Variants in CNOT4 observed in about 807,000 individuals in gnomAD.
CNOT4 encodes the protein CCR4-associated factor 4.
A neutral mutation model predicts 73.8 loss-of-function variants in CNOT4; 8 were observed. The observed-to-expected ratio is 0.11, with a 90% CI of 0.06 to 0.20. The LOEUF (loss-of-function observed/expected upper bound fraction) is 0.20. CNOT4 is among the 10% of genes least tolerant of loss of function. The pLI, the probability that CNOT4 is intolerant of heterozygous loss-of-function variation, is 1.00. For synonymous variants in CNOT4, 293 were observed against 321.1 expected, an observed-to-expected ratio of 0.91 and a Z score of 0.94; for missense variants, 564 against 883.4, an observed-to-expected ratio of 0.64 and a Z score of 4.58.
At chr7:135,457,628 T>C (rs1209272289) in intron 1 of CNOT4, among the ~76,000 whole-genome samples, 1 of 152,122 alleles carries the variant, frequency 6.6e-6, no homozygotes, top group Admixed American at 6.6e-5. Flanking sequence ...ACGCTTCTAA[T>C]ACTATTTTAC....
chr7:135,413,655 G>A (rs1283805405), intron 5 of CNOT4, 42 bp from the exon 6 acceptor site: 1 of 1,585,166 alleles, frequency 6.3e-7, no homozygotes, highest in Non-Finnish European at 8.6e-7. Flanking sequence ...GACTCAATGT[G>A]AACTGACAAC....
chr7:135,394,145 C>T lies in CNOT4; in HGVS notation c.1400G>A (p.Ser467Asn). 6.2e-7 allele frequency: 1 copy of T among 1,614,150 alleles called. No individual in the cohort carries two copies. The highest frequency in any genetic ancestry group is 8.5e-7 in the Non-Finnish European group (1 of 1,180,018). The stretch of plus-strand genomic sequence containing the variant: ...CCTCTGGGGCAAGACTGAAAAGGTA[C>T]TATTGAGAGAATTGGCATTTGTAGC... ...AAATNANSLNSTFSVLPQRFP... is the reference protein window; with the variant it reads ...AAATNANSLNNTFSVLPQRFP... The change falls in exon 10 of 12, where the codon AGT (serine) becomes AAT (asparagine). Residue 467 changes from serine to asparagine, a missense_variant. Ser to Asn is a conservative substitution (Grantham distance 46). Coordinates refer to ENST00000541284, the MANE Select transcript of CNOT4 (RefSeq NM_001190850.2).
intron 3 of CNOT4, among the ~76,000 whole-genome samples, chr7:135,416,189 T>G (rs984279105): frequency 6.6e-6 from 1 of 152,166 alleles, no homozygotes; most frequent in African/African-American, 2.4e-5. Flanking sequence ...ACTATTCAAG[T>G]GTGTGTAAAG....
At position 135,363,265 on chromosome 7, in the gene CNOT4, C is replaced by T; in HGVS notation, c.1841-79G>A. Reference sequence around the variant, plus strand: ...AAGGTCGTCAAACAAATTTAGAAAGCAAAACCAAAAGGAAAGACAGAAGAG... The same window carrying T: ...AAGGTCGTCAAACAAATTTAGAAAGTAAAACCAAAAGGAAAGACAGAAGAG... On this transcript the variant is annotated intron_variant, in intron 11 of 11. Coordinates refer to ENST00000541284, the MANE Select transcript of CNOT4 (RefSeq NM_001190850.2). This position sits in a 1 kb window ranked among gnomAD's most constrained non-coding sequence, Gnocchi z 4.3. 2 of 1,352,698 alleles carry T rather than the reference C, an allele frequency of 1.5e-6. No individual in the cohort carries two copies. Among genetic ancestry groups the T allele is most frequent in the Non-Finnish European group, 2.1e-6 (2 of 957,744 alleles). The allele number at this position is 1,352,698 out of a possible 1,614,324, so 83.8% of individuals were successfully genotyped here.
At chr7:135,439,540 G>A (rs1475899166) in intron 1 of CNOT4, among the ~76,000 whole-genome samples, 1 of 152,176 alleles carries the variant, frequency 6.6e-6, no homozygotes, top group East Asian at 1.9e-4. Context: ...CAAGGCAGGA[G>A]GACTGCTTGA....
chr7:135,459,063 C>T (rs1032685157), intron 1 of CNOT4, among the ~76,000 whole-genome samples: 4 of 152,026 alleles, frequency 2.6e-5, no homozygotes, highest in South Asian at 2.1e-4. Flanking sequence ...AATAAGATTA[C>T]GTGAAACTCA....
intron 1 of CNOT4, among the ~76,000 whole-genome samples, chr7:135,453,848 T>TAAA (rs758202164): frequency 1.7e-5 from 2 of 116,744 alleles, no homozygotes; most frequent in Admixed American, 9.4e-5. Flanking sequence ...ATATATATAT[T>TAAA]ATATATATAG....
chr7:135,400,193 A>C (rs1294805359), intron 7 of CNOT4, among the ~76,000 whole-genome samples: 1 of 152,080 alleles, frequency 6.6e-6, no homozygotes, highest in African/African-American at 2.4e-5. Flanking sequence ...CAGTGTTGGC[A>C]GAGCTAAGTA....
intron 1 of CNOT4, 154 bp downstream of exon 1, chr7:135,509,735 G>C: frequency 3.3e-6 from 1 of 298,956 alleles, no homozygotes; most frequent in Non-Finnish European, 6.2e-6. Flanking sequence ...AGGAAGAGGA[G>C]GAGGAGGAAG....
intron 1 of CNOT4, among the ~76,000 whole-genome samples, chr7:135,455,459 A>C (rs898516906): frequency 2.0e-5 from 3 of 152,146 alleles, no homozygotes; most frequent in African/African-American, 7.2e-5. Flanking sequence ...TTAAAAAACA[A>C]TTTCAAAATA....
chr7:135,449,135 T>C (rs1327396375), intron 1 of CNOT4, among the ~76,000 whole-genome samples: 1 of 152,132 alleles, frequency 6.6e-6, no homozygotes, highest in Non-Finnish European at 1.5e-5. Context: ...AGACAAAGTA[T>C]ACGATGCTGG....
intron 1 of CNOT4, among the ~76,000 whole-genome samples, chr7:135,498,914 C>T (rs569852176): frequency 6.6e-6 from 1 of 152,258 alleles, no homozygotes; most frequent in African/African-American, 2.4e-5. Context: ...CAAAAAAAAT[C>T]CCCAAAGCAT....
At chr7:135,506,951 C>A (rs1186569243) in intron 1 of CNOT4, among the ~76,000 whole-genome samples, 2 of 151,930 alleles carry the variant, frequency 1.3e-5, no homozygotes, top group African/African-American at 4.8e-5. Context: ...ATATGGATTC[C>A]TTTTAAAGCC....
At chr7:135,443,999 G>A (rs768310653) in intron 1 of CNOT4, among the ~76,000 whole-genome samples, 2 of 151,960 alleles carry the variant, frequency 1.3e-5, no homozygotes, top group African/African-American at 4.8e-5. Context: ...AATGAGCCGG[G>A]TGTGGTAGTG....
intron 1 of CNOT4, among the ~76,000 whole-genome samples, chr7:135,461,015 G>A (rs1354024008): frequency 6.6e-6 from 1 of 152,058 alleles, no homozygotes; most frequent in African/African-American, 2.4e-5. Flanking sequence ...AGCATTTTTA[G>A]CTCATGGACT....
chr7:135,458,336 C>T (rs769679394), intron 1 of CNOT4, among the ~76,000 whole-genome samples: 9 of 152,104 alleles, frequency 5.9e-5, no homozygotes, highest in Non-Finnish European at 1.0e-4. Flanking sequence ...AGCCTTCAGA[C>T]AGTCACAGTC....
Position 135,464,543 on chromosome 7 carries a change from G to C in CNOT4, c.-92-26120C>G, listed in dbSNP as rs1357051693. ...ACATGGCTCTACTTGAGGGGGAAGT[G>C]GGGAGGGTGGAAGGAGGGAGAGGAG... On this transcript the variant is annotated intron_variant, in intron 1 of 11. Coordinates refer to ENST00000541284, the MANE Select transcript of CNOT4 (RefSeq NM_001190850.2). Among the ~76,000 whole-genome samples, 6 of 152,154 alleles carry C rather than the reference G, an allele frequency of 3.9e-5. No homozygotes were observed. The South Asian group carries it at 6.2e-4, about 16-fold the overall frequency.
At chr7:135,423,555 T>C (rs1215911889) in intron 2 of CNOT4, among the ~76,000 whole-genome samples, 1 of 152,104 alleles carries the variant, frequency 6.6e-6, no homozygotes, top group East Asian at 1.9e-4. Flanking sequence ...TCACCTTATA[T>C]TTCACAACTT....
chr7:135,454,833 G>A (rs556748569), intron 1 of CNOT4, among the ~76,000 whole-genome samples: 13 of 152,188 alleles, frequency 8.5e-5, no homozygotes, highest in Admixed American at 1.3e-4. Context: ...GTAGTGAGCC[G>A]AGATCATGCC....
Sources: allele counts gnomAD v4.1 joint callset (sites outside exome capture counted in the v4.1 genomes callset), GRCh38; gene constraint gnomAD v4.1.1; non-coding constraint Gnocchi (gnomAD v3.1); transcripts MANE v1.5; gene names NCBI Gene and HGNC (gene_info 2026-07-23, HGNC 2026-07-21).